Variants in SLIT3 observed in about 807,000 individuals in gnomAD.
SLIT3 encodes slit guidance ligand 3.
A neutral mutation model predicts 184.0 loss-of-function variants in SLIT3; 68 were observed. The ratio of observed to expected loss-of-function variants is 0.37; its 90% confidence interval spans 0.30 to 0.45. The LOEUF is 0.45. Among genes scored for constraint, SLIT3 ranks in the 20% least tolerant of loss-of-function variants. The probability of loss-of-function intolerance (pLI) is 1.00; values close to 1 mark genes in which losing one functional copy is unlikely to be tolerated. For synonymous variants in SLIT3, 831 were observed against 828.6 expected, an observed-to-expected ratio of 1.00 and a Z score of -0.05; for missense variants, 1,707 against 2,026.0, an observed-to-expected ratio of 0.84 and a Z score of 3.02.
intron 1 of SLIT3, among the ~76,000 whole-genome samples, chr5:169,253,173 C>T (rs1054201179): frequency 2.0e-5 from 3 of 151,962 alleles, no homozygotes; most frequent in African/African-American, 7.3e-5. Context: ...GAAATCTGTA[C>T]ACACTCCAAA....
chr5:168,942,806 A>G (rs10462893), intron 4 of SLIT3, among the ~76,000 whole-genome samples: 2,100 of 152,282 alleles, frequency 0.014, 62 homozygotes, highest in East Asian at 0.13. Context: ...TGATAAATAG[A>G]GACCATCTTA....
At chr5:169,192,971 T>C (rs968746431) in intron 4 of SLIT3, among the ~76,000 whole-genome samples, 1 of 152,152 alleles carries the variant, frequency 6.6e-6, no homozygotes, top group Non-Finnish European at 1.5e-5. Context: ...ATTCAACACA[T>C]TTCTTCCTTT....
chr5:169,275,351 C>G (rs549300598), intron 1 of SLIT3, among the ~76,000 whole-genome samples: 1 of 152,300 alleles, frequency 6.6e-6, no homozygotes, highest in South Asian at 2.1e-4. Flanking sequence ...AAACCCATAG[C>G]CTTTCTACTG....
chr5:169,149,354 T>TTTTC (rs1554102363), intron 4 of SLIT3, among the ~76,000 whole-genome samples: 2 of 151,882 alleles, frequency 1.3e-5, no homozygotes, highest in African/African-American at 2.4e-5. Flanking sequence ...TTTTTTTTTT[T>TTTTC]CAACTTGTGG....
chr5:169,140,205 C>T (rs1480976307), intron 4 of SLIT3, among the ~76,000 whole-genome samples: 1 of 150,254 alleles, frequency 6.7e-6, no homozygotes, highest in Non-Finnish European at 1.5e-5. Flanking sequence ...TGGCTCACGC[C>T]TGTAATCCCA....
intron 4 of SLIT3, among the ~76,000 whole-genome samples, chr5:169,168,908 A>C (rs1762727113): frequency 1.3e-5 from 2 of 152,190 alleles, no homozygotes; most frequent in African/African-American, 4.8e-5. Context: ...CCCTGCTGGG[A>C]CAACAGACTG....
At chr5:168,938,921 G>A (rs753355111) in intron 4 of SLIT3, among the ~76,000 whole-genome samples, 6 of 152,070 alleles carry the variant, frequency 3.9e-5, no homozygotes, top group Non-Finnish European at 7.3e-5. Context: ...GAGCCACTGT[G>A]CCCAGCCTAT....
chr5:168,723,713 T>C (rs1462406755), intron 21 of SLIT3, among the ~76,000 whole-genome samples: 1 of 152,238 alleles, frequency 6.6e-6, no homozygotes, highest in Admixed American at 6.5e-5. Flanking sequence ...CGAGCTTCCC[T>C]GCGGGGATAA....
intron 5 of SLIT3, among the ~76,000 whole-genome samples, chr5:168,869,089 G>GCAC (rs987992107): frequency 2.6e-5 from 4 of 152,172 alleles, no homozygotes; most frequent in African/African-American, 9.7e-5. Flanking sequence ...GCAGGACTGG[G>GCAC]CACCCAGTGT....
At chr5:169,148,270 G>A (rs575323856) in intron 4 of SLIT3, among the ~76,000 whole-genome samples, 16 of 152,290 alleles carry the variant, frequency 1.1e-4, no homozygotes, top group South Asian at 8.3e-4. Context: ...TGCCGGGCCC[G>A]TATTTAACCA....
rs185225258 is a variant in SLIT3 at position 169,033,905 on chromosome 5, C to T, written c.414-150569G>A. ...TCGGCTCACTGCAACCTCCACCTCC[C>T]GGGTTCAAGTGATTCTCCTGCCTCA... On this transcript the variant is annotated intron_variant, in intron 4 of 35. Coordinates refer to ENST00000519560, the MANE Select transcript of SLIT3 (RefSeq NM_003062.4). Among the ~76,000 whole-genome samples the T allele has an allele frequency of 4.0e-4, 61 of 151,412 alleles. 2 individuals carry two copies. The highest frequency in any genetic ancestry group is 1.3e-3 in the South Asian group (6 of 4,754).
chr5:168,772,578 G>C, intron 14 of SLIT3: 1 of 585,826 alleles, frequency 1.7e-6, no homozygotes, highest in East Asian at 2.9e-5. Context: ...TATTGTGTGT[G>C]TGTGTGTGTG....
At chr5:169,116,309 TC>T (rs1465872463) in intron 4 of SLIT3, among the ~76,000 whole-genome samples, 1 of 152,126 alleles carries the variant, frequency 6.6e-6, no homozygotes, top group East Asian at 1.9e-4. Flanking sequence ...ATGGTCTGGT[TC>T]CCACGGAAGA....
intron 3 of SLIT3, among the ~76,000 whole-genome samples, chr5:169,214,269 A>G (rs1764364061): frequency 6.6e-6 from 1 of 152,264 alleles, no homozygotes; most frequent in Non-Finnish European, 1.5e-5. Flanking sequence ...AGGGGGAAAG[A>G]AGATGTCCCA....
chr5:168,745,682 G>T (rs1160465552), intron 20 of SLIT3, among the ~76,000 whole-genome samples: 1 of 152,196 alleles, frequency 6.6e-6, no homozygotes, highest in African/African-American at 2.4e-5. Flanking sequence ...AAAGTGCTGG[G>T]ATTACAGGCG....
At chr5:168,872,831 G>T (rs560737709) in intron 5 of SLIT3, among the ~76,000 whole-genome samples, 1 of 151,758 alleles carries the variant, frequency 6.6e-6, no homozygotes, top group Non-Finnish European at 1.5e-5. Context: ...TAGTAGAGAC[G>T]GGGTTTCACC....
intron 4 of SLIT3, among the ~76,000 whole-genome samples, chr5:168,987,832 T>C (rs1321564808): frequency 6.6e-6 from 1 of 152,244 alleles, no homozygotes; most frequent in African/African-American, 2.4e-5. Context: ...TTATGGAATA[T>C]ATAGATGACT....
intron 4 of SLIT3, chr5:168,995,603 C>T (rs1755483760): frequency 6.6e-6 from 1 of 152,224 alleles, no homozygotes; most frequent in African/African-American, 2.4e-5. Context: ...TCATCAGTAT[C>T]AAGAAGGTTC....
chr5:169,007,594 G>A (rs1332637243), intron 4 of SLIT3, among the ~76,000 whole-genome samples: 1 of 152,228 alleles, frequency 6.6e-6, no homozygotes, highest in African/African-American at 2.4e-5. Flanking sequence ...TGTATAGTCT[G>A]CATGTGTTTG....
Sources: allele counts gnomAD v4.1 joint callset (sites outside exome capture counted in the v4.1 genomes callset), GRCh38; gene constraint gnomAD v4.1.1; transcripts MANE v1.5; gene names NCBI Gene and HGNC (gene_info 2026-07-23, HGNC 2026-07-21).